DLG2: variants seen among roughly 807,000 people sequenced by gnomAD.
The protein encoded by DLG2 is disks large homolog 2.
Under a neutral mutation model 132.5 loss-of-function variants are expected in DLG2, and 45 were observed. That is an observed-to-expected ratio of 0.34 (90% CI 0.27 to 0.44). The LOEUF (loss-of-function observed/expected upper bound fraction) is 0.44. Ranked by LOEUF, DLG2 falls within the 20% of genes least tolerant of loss-of-function variation. The pLI, the probability that DLG2 is intolerant of heterozygous loss-of-function variation, is 1.00. For synonymous variants in DLG2, 424 were observed against 419.6 expected, an observed-to-expected ratio of 1.01 and a Z score of -0.13; for missense variants, 1,045 against 1,196.9, an observed-to-expected ratio of 0.87 and a Z score of 1.87.
At chr11:84,130,505 T>TATAC (rs1417958149) in intron 9 of DLG2, among the ~76,000 whole-genome samples, 3,310 of 116,882 alleles carry the variant, frequency 0.028, 106 homozygotes, top group African/African-American at 0.11. Context: ...TATATATATA[T>TATAC]ACACACACAC....
At chr11:83,469,072 T>C (rs961227651) in intron 25 of DLG2, 129 bp downstream of exon 25, 1 of 694,818 alleles carries the variant, frequency 1.4e-6, no homozygotes, top group African/African-American at 1.8e-5. Context: ...TCTGCTTGGA[T>C]GTTTTAAATT....
At chr11:85,237,580 C>T (rs2075655100) in intron 4 of DLG2, among the ~76,000 whole-genome samples, 1 of 151,998 alleles carries the variant, frequency 6.6e-6, no homozygotes, top group South Asian at 2.1e-4. Context: ...ACTGAATGGA[C>T]TTACACTTGT....
chr11:84,313,584 AGG>A (rs1269949603), intron 7 of DLG2, among the ~76,000 whole-genome samples: 1 of 103,538 alleles, frequency 9.7e-6, no homozygotes, highest in African/African-American at 3.0e-5. Flanking sequence ...AGAGAGAGAA[AGG>A]AAGGAAGGAA....
intron 3 of DLG2, among the ~76,000 whole-genome samples, chr11:85,533,936 T>C (rs1598335622): frequency 6.6e-6 from 1 of 152,368 alleles, no homozygotes; most frequent in South Asian, 2.1e-4. Context: ...TCTAGGTTTA[T>C]TTTAATAGAA....
chr11:83,704,615 G>A (rs1160557207), intron 18 of DLG2, among the ~76,000 whole-genome samples: 1 of 147,178 alleles, frequency 6.8e-6, no homozygotes, highest in African/African-American at 2.5e-5. Flanking sequence ...TCAGGAGTTC[G>A]AGACCAGCCT....
chr11:85,414,927 G>A (rs2089685726), intron 3 of DLG2, among the ~76,000 whole-genome samples: 1 of 151,850 alleles, frequency 6.6e-6, no homozygotes, highest in Non-Finnish European at 1.5e-5. Flanking sequence ...TTTTTACATA[G>A]GTATACACAT....
intron 24 of DLG2, among the ~76,000 whole-genome samples, chr11:83,470,262 A>G (rs1237296423): frequency 6.6e-6 from 1 of 152,124 alleles, no homozygotes; most frequent in African/African-American, 2.4e-5. Context: ...ATCATTTGAA[A>G]TAGTTATATA....
At chr11:85,565,155 A>G (rs2077461400) in intron 3 of DLG2, among the ~76,000 whole-genome samples, 1 of 152,008 alleles carries the variant, frequency 6.6e-6, no homozygotes, top group African/African-American at 2.4e-5. Context: ...TAATTATGTG[A>G]GCTATGCATT....
At chr11:83,488,851 T>A (rs1361680312) in intron 21 of DLG2, among the ~76,000 whole-genome samples, 1 of 152,014 alleles carries the variant, frequency 6.6e-6, no homozygotes, top group Admixed American at 6.6e-5. Flanking sequence ...ATACAAATCT[T>A]ATTTTCACAC....
intron 25 of DLG2, among the ~76,000 whole-genome samples, chr11:83,467,810 T>TATATATATATATAC (rs1414160515): frequency 8.3e-5 from 8 of 96,300 alleles, no homozygotes; most frequent in African/African-American, 2.8e-4. Flanking sequence ...TATATATATA[T>TATATATATATATAC]ACACACACAC....
At chr11:84,129,539 A>AG (rs756631719) in intron 9 of DLG2, among the ~76,000 whole-genome samples, 1 of 152,124 alleles carries the variant, frequency 6.6e-6, no homozygotes, top group Admixed American at 6.6e-5. Flanking sequence ...ACATGATGTG[A>AG]GATGGCCTGT....
At chr11:84,570,307 G>A (rs2154527626) in intron 6 of DLG2, among the ~76,000 whole-genome samples, 1 of 152,260 alleles carries the variant, frequency 6.6e-6, no homozygotes, top group South Asian at 2.1e-4. Flanking sequence ...CAGTTCAGGT[G>A]TAATCTCCTA....
At position 85,493,182 on chromosome 11, in the gene DLG2, T is replaced by A. The variant is rs554795286; in HGVS notation, c.40+105475A>T. On this transcript the variant is annotated intron_variant, in intron 3 of 27. Coordinates refer to ENST00000376104, the MANE Select transcript of DLG2 (RefSeq NM_001142699.3). The stretch of plus-strand genomic sequence containing the variant: ...GTACCCAGGAAGGTTTATATGGTAG[T>A]AGTACATGAGGTGCAATGTATTAGA... Among the ~76,000 whole-genome samples, 74 of 152,302 alleles carry A rather than the reference T, an allele frequency of 4.9e-4. 2 individuals carry two copies. The highest frequency in any genetic ancestry group is 1.6e-3 in the African/African-American group (68 of 41,562).
intron 18 of DLG2, among the ~76,000 whole-genome samples, chr11:83,644,338 T>A (rs143606285): frequency 6.6e-6 from 1 of 152,294 alleles, no homozygotes; most frequent in African/African-American, 2.4e-5. Flanking sequence ...TCGATAAATA[T>A]GTTCTACTCC....
intron 7 of DLG2, among the ~76,000 whole-genome samples, chr11:84,263,819 A>C (rs1400014563): frequency 6.6e-6 from 1 of 152,156 alleles, no homozygotes; most frequent in Non-Finnish European, 1.5e-5. Context: ...GAGAGAGGCA[A>C]AGATGAAGTA....
chr11:85,490,727 T>C (rs2093538673), intron 3 of DLG2, among the ~76,000 whole-genome samples: 1 of 152,012 alleles, frequency 6.6e-6, no homozygotes, highest in South Asian at 2.1e-4. Flanking sequence ...TCTAAAATCA[T>C]ACAACCTCCC....
At chr11:83,846,941 CAA>C (rs2058740920) in intron 16 of DLG2, among the ~76,000 whole-genome samples, 1 of 68,542 alleles carries the variant, frequency 1.5e-5, no homozygotes, top group African/African-American at 6.9e-5. Flanking sequence ...TCTCCCAAGC[CAA>C]AAAAAAAAAA....
intron 7 of DLG2, among the ~76,000 whole-genome samples, chr11:84,532,079 C>T (rs1186034432): frequency 6.9e-6 from 1 of 143,942 alleles, no homozygotes. Flanking sequence ...ACTTAATATA[C>T]AAAACAAAGC....
intron 6 of DLG2, among the ~76,000 whole-genome samples, chr11:84,972,188 T>A (rs2054195585): frequency 6.6e-6 from 1 of 152,174 alleles, no homozygotes; most frequent in African/African-American, 2.4e-5. Flanking sequence ...CCTTATGTTA[T>A]TAAGTGAACA....
Sources: gnomAD v4.1 joint callset for allele counts (sites outside exome capture counted in the v4.1 genomes callset) on GRCh38, gnomAD v4.1.1 for gene constraint, MANE v1.5 for transcripts, NCBI Gene and HGNC (gene_info 2026-07-23, HGNC 2026-07-21) for gene names.